Variants in XG observed in about 807,000 individuals in gnomAD.
XG encodes glycoprotein Xg.
In XG, 24 loss-of-function variants were observed where a neutral mutation model predicts 25.7. The observed-to-expected ratio is 0.93, with a 90% CI of 0.68 to 1.31. The LOEUF (loss-of-function observed/expected upper bound fraction) is 1.31. Among genes scored for constraint, XG ranks in the 40% most tolerant of loss-of-function variants. XG has a pLI of 0.00. For synonymous variants in XG, 77 were observed against 69.2 expected (o/e 1.11, Z -0.56); for missense variants, 181 against 187.6 (o/e 0.96, Z 0.21).
At chrX:2,804,567 C>T (rs1198665474) in intron 7 of XG, among the ~76,000 whole-genome samples, 4 of 111,464 alleles carry the variant, frequency 3.6e-5, no homozygotes, top group African/African-American at 1.3e-4. Context: ...CTACAGCCTA[C>T]GAATGAGCCT....
chrX:2,766,786 C>T (rs1192375235), intron 1 of XG, among the ~76,000 whole-genome samples: 13 of 151,572 alleles, frequency 8.6e-5, no homozygotes, highest in South Asian at 4.2e-4. Context: ...AGGATGGTCT[C>T]GATCTCCTGA....
chrX:2,793,155 C>T (rs1449839224), intron 5 of XG, among the ~76,000 whole-genome samples: 1 of 111,267 alleles, frequency 9.0e-6, no homozygotes, highest in African/African-American at 3.3e-5. Context: ...CCTCCCGCCT[C>T]CACCTCCCAA....
At chrX:2,784,011 A>C (rs746341750) in intron 4 of XG, among the ~76,000 whole-genome samples, 3 of 111,059 alleles carry the variant, frequency 2.7e-5, no homozygotes, top group African/African-American at 9.8e-5. Flanking sequence ...CAAACAAAAC[A>C]AAACCCCAAA....
chrX:2,782,809 T>C lies in XG; in HGVS notation c.190+681T>C, dbSNP rs1037891634. ...TTGCAGCCAGAGGCTGCACGAGCCCTAAAGTGTAATTTCTAATCTTGTAGC... is the reference window on the plus strand; with the variant it reads ...TTGCAGCCAGAGGCTGCACGAGCCCCAAAGTGTAATTTCTAATCTTGTAGC... On this transcript the variant is annotated intron_variant, in intron 4 of 10. Coordinates refer to ENST00000644266, the MANE Select transcript of XG (RefSeq NM_001141919.2). Among the ~76,000 whole-genome samples, 4 of 111,861 alleles carry C rather than the reference T, an allele frequency of 3.6e-5. No individual in the cohort carries two copies. The Admixed American group carries it at 3.8e-4, about 11-fold the overall frequency.
intron 1 of XG, among the ~76,000 whole-genome samples, chrX:2,756,711 C>T (rs977303023): frequency 1.3e-5 from 2 of 152,176 alleles, no homozygotes; most frequent in Admixed American, 6.6e-5. Flanking sequence ...CTGACGCCCC[C>T]TCACAGGATG....
intron 1 of XG, among the ~76,000 whole-genome samples, chrX:2,770,014 T>TGGGGGGGGGGGGG (rs2050778093): frequency 1.2e-5 from 1 of 82,920 alleles, no homozygotes; most frequent in Non-Finnish European, 2.5e-5. Flanking sequence ...TCTGTGCGTG[T>TGGGGGGGGGGGGG]GTGGAGGGGT....
Position 2,789,557 on chromosome X carries a change from T to G in XG, c.191-87T>G, listed in dbSNP as rs983921270. ...AAAAGCAATGGGCAGTAACATCTTT[T>G]CTGTACTTTGGCATTCTTATTTATA... On this transcript the variant is annotated intron_variant, in intron 4 of 10. Coordinates refer to ENST00000644266, the MANE Select transcript of XG (RefSeq NM_001141919.2). 1.2e-5 allele frequency: 7 copies of G among 572,649 alleles called. No homozygotes were observed. The African/African-American group carries it at 1.7e-4, about 14-fold the overall frequency. 47.2% of individuals were successfully genotyped at this position (572,649 alleles called of 1,213,427 possible). A position where few individuals can be genotyped will look rare whatever the true frequency, so the allele number is the denominator to read the frequency against.
chrX:2,760,963 C>T (rs1054312805), intron 1 of XG, among the ~76,000 whole-genome samples: 20 of 152,184 alleles, frequency 1.3e-4, no homozygotes, highest in Non-Finnish European at 2.5e-4. Flanking sequence ...CTTCCAGCTT[C>T]CAGGCCTGTG....
At chrX:2,752,873 C>A in intron 1 of XG, 3 of 969,478 alleles carry the variant, frequency 3.1e-6, no homozygotes, top group Non-Finnish European at 3.7e-6. Context: ...TTGTTCACAT[C>A]AAAAACTTCG....
rs761079287 is a variant in XG, at chrX:2,789,729, TTTTTATTTTATTTTA to T, written c.253+39_253+53del. On this transcript the variant is annotated intron_variant, in intron 5 of 10. Transcript: ENST00000644266. ...GAGGTAATGAGTATTTATTTATTTA[TTTTTATTTTATTTTA>T]TTTTATTTTATTTTACTATTTTATT... 7 of 864,222 alleles carry T rather than the reference TTTTTATTTTATTTTA, an allele frequency of 8.1e-6. No homozygotes were observed. In the African/African-American group the frequency reaches 1.3e-4, roughly 16 times the overall value. The allele number at this position is 864,222 out of a possible 1,213,427, so 71.2% of individuals were successfully genotyped here.
At chrX:2,809,736 C>A (rs766296631) in intron 9 of XG, among the ~76,000 whole-genome samples, 2 of 112,000 alleles carry the variant, frequency 1.8e-5, no homozygotes, top group Non-Finnish European at 3.8e-5. Context: ...GTGTGGCCAG[C>A]GCTTTGACCA....
chrX:2,801,958 C>G (rs183804336), intron 7 of XG, among the ~76,000 whole-genome samples: 14 of 111,265 alleles, frequency 1.3e-4, no homozygotes, highest in Non-Finnish European at 2.3e-4. Context: ...CCGCCCGCCT[C>G]GGCCTCCCAA....
chrX:2,788,932 A>C (rs1031694292), intron 4 of XG, among the ~76,000 whole-genome samples: 1 of 111,252 alleles, frequency 9.0e-6, no homozygotes, highest in Non-Finnish European at 1.9e-5. Flanking sequence ...AAGTTTTAAG[A>C]AATTCAAATG....
chrX:2,752,135 A>G lies in XG; in HGVS notation c.-140A>G. The G allele has an allele frequency of 6.9e-7, 1 of 1,448,492 alleles. No individual in the cohort carries two copies. Among genetic ancestry groups the G allele is most frequent in the Non-Finnish European group, 9.4e-7 (1 of 1,068,034 alleles). 89.7% of individuals were successfully genotyped at this position (1,448,492 alleles called of 1,614,324 possible). ...CCATTTGTTTCTGGCAGTTCCGCTC[A>G]TATTTTCCACTTGAAGACATCGCCT... is the stretch of plus-strand genomic sequence containing the variant. On this transcript the variant is annotated 5_prime_UTR_variant, in exon 1 of 11. Transcript: ENST00000644266.
intron 5 of XG, among the ~76,000 whole-genome samples, chrX:2,791,935 T>G (rs771953807): frequency 9.0e-6 from 1 of 110,912 alleles, no homozygotes; most frequent in African/African-American, 3.3e-5. Flanking sequence ...ATTCATAGCA[T>G]TCGTCCACCA....
intron 10 of XG, among the ~76,000 whole-genome samples, chrX:2,811,936 C>T (rs1474697296): frequency 9.0e-6 from 1 of 111,544 alleles, no homozygotes; most frequent in Non-Finnish European, 1.9e-5. Context: ...CTGTACCTTC[C>T]TCTAAACCTT....
intron 1 of XG, among the ~76,000 whole-genome samples, chrX:2,756,792 G>A (rs991717645): frequency 6.6e-6 from 1 of 152,198 alleles, no homozygotes; most frequent in Non-Finnish European, 1.5e-5. Context: ...AGAACTTGCA[G>A]ACGGGCAGGT....
At chrX:2,777,522 G>A (rs1242945985) in intron 3 of XG, among the ~76,000 whole-genome samples, 2 of 152,156 alleles carry the variant, frequency 1.3e-5, no homozygotes, top group African/African-American at 2.4e-5. Context: ...GAGCCCCAGA[G>A]GTGGAGGTTG....
chrX:2,794,710 T>A, intron 6 of XG, 107 bp downstream of exon 6: 1 of 912,744 alleles, frequency 1.1e-6, no homozygotes. Flanking sequence ...GCAGAGTTGG[T>A]GACGAGCAGA....
Sources: allele counts gnomAD v4.1 joint callset (sites outside exome capture counted in the v4.1 genomes callset), GRCh38; gene constraint gnomAD v4.1.1; transcripts MANE v1.5; gene names NCBI Gene and HGNC (gene_info 2026-07-23, HGNC 2026-07-21).